The following SLC9A9 variants were observed in gnomAD, a reference collection of about 807,000 sequenced individuals.
SLC9A9 encodes sodium/hydrogen exchanger 9.
A neutral mutation model predicts 77.8 loss-of-function variants in SLC9A9; 62 were observed. The ratio of observed to expected loss-of-function variants is 0.80; its 90% confidence interval spans 0.65 to 0.98. The LOEUF is 0.98. SLC9A9 is among the 50% of genes least tolerant of loss of function. The pLI is 0.00. For missense variants in SLC9A9, 775 were observed against 774.9 expected (o/e 1.00, Z 0.00); for synonymous variants, 320 against 283.5 (o/e 1.13, Z -1.29).
chr3:143,446,359 C>T (rs907922010), intron 12 of SLC9A9, among the ~76,000 whole-genome samples: 10 of 151,976 alleles, frequency 6.6e-5, no homozygotes, highest in African/African-American at 2.4e-4. Context: ...TTTCTATTCT[C>T]TTACGAATTG....
At chr3:143,842,088 T>C (rs945333863) in intron 1 of SLC9A9, among the ~76,000 whole-genome samples, 2 of 150,766 alleles carry the variant, frequency 1.3e-5, no homozygotes, top group Non-Finnish European at 3.0e-5. Flanking sequence ...TTTAAAAACA[T>C]ACAGAGTGCA....
In SLC9A9 at chr3:143,380,516, C is replaced by CT. The variant is rs546373057; in HGVS notation, c.1524+1543dup. Among the ~76,000 whole-genome samples, 352 of 152,236 alleles carry CT rather than the reference C, an allele frequency of 2.3e-3. 2 individuals carry two copies. The highest frequency in any genetic ancestry group is 4.2e-3 in the Non-Finnish European group (286 of 68,008). ...ATTTGACCTACACAAGATGAAAATGCTTTTTAAAAATCAGCCACCACCAGA... is the reference window on the plus strand; with the variant it reads ...ATTTGACCTACACAAGATGAAAATGCTTTTTTAAAAATCAGCCACCACCAGA... On this transcript the variant is annotated intron_variant, in intron 13 of 15. Transcript: ENST00000316549.
intron 14 of SLC9A9, among the ~76,000 whole-genome samples, chr3:143,274,509 C>T (rs140100946): frequency 6.6e-6 from 1 of 152,260 alleles, no homozygotes; most frequent in East Asian, 1.9e-4. Flanking sequence ...GGATTTGTAG[C>T]ATTTCCCAAT....
At chr3:143,604,059 C>A (rs1440741894) in intron 6 of SLC9A9, among the ~76,000 whole-genome samples, 2 of 152,150 alleles carry the variant, frequency 1.3e-5, no homozygotes, top group Non-Finnish European at 2.9e-5. Context: ...AACTGACCTG[C>A]AGAATCATAA....
intron 1 of SLC9A9, among the ~76,000 whole-genome samples, chr3:143,846,627 G>C (rs1246537359): frequency 2.0e-5 from 3 of 152,028 alleles, no homozygotes; most frequent in African/African-American, 7.3e-5. Flanking sequence ...GCCAAGGTCA[G>C]TGGATCTCTT....
chr3:143,842,313 G>A (rs930426560), intron 1 of SLC9A9, among the ~76,000 whole-genome samples: 3 of 152,090 alleles, frequency 2.0e-5, no homozygotes, highest in Admixed American at 6.5e-5. Context: ...CCTGGGAGGC[G>A]GAGGTGGCAG....
At chr3:143,785,612 GGTA>G (rs1404802107) in intron 4 of SLC9A9, among the ~76,000 whole-genome samples, 2 of 152,108 alleles carry the variant, frequency 1.3e-5, no homozygotes, top group African/African-American at 4.8e-5. Context: ...ATGTTTTGGG[GGTA>G]GTTTGTGACA....
In SLC9A9 at chr3:143,634,147, C is replaced by CTTTTTTTTTTTTTTTTTTTTTTTTTTTTT. The variant is rs1033629087; in HGVS notation, c.755+18107_755+18108insAAAAAAAAAAAAAAAAAAAAAAAAAAAAA. ...TGCCTATGTGCTCCCATAATCCTTT[C>CTTTTTTTTTTTTTTTTTTTTTTTTTTTTT]TTTAAGCTTGAAATTCAGTAACTTT... is the stretch of plus-strand genomic sequence containing the variant. On this transcript the variant is annotated intron_variant, in intron 6 of 15. Coordinates refer to ENST00000316549, the MANE Select transcript of SLC9A9 (RefSeq NM_173653.4). 8.0e-5 allele frequency among the ~76,000 whole-genome samples: 12 copies of CTTTTTTTTTTTTTTTTTTTTTTTTTTTTT among 149,212 alleles called. 1 individual carries two copies. Among genetic ancestry groups the CTTTTTTTTTTTTTTTTTTTTTTTTTTTTT allele is most frequent in the African/African-American group, 3.1e-4 (12 of 38,604 alleles).
chr3:143,530,883 C>G (rs1052236455), intron 9 of SLC9A9, among the ~76,000 whole-genome samples: 1 of 152,120 alleles, frequency 6.6e-6, no homozygotes, highest in East Asian at 1.9e-4. Context: ...GTCAACTTAC[C>G]TCCTTTTAGC....
intron 5 of SLC9A9, among the ~76,000 whole-genome samples, chr3:143,657,199 A>G (rs2038905108): frequency 6.6e-6 from 1 of 152,132 alleles, no homozygotes; most frequent in Non-Finnish European, 1.5e-5. Context: ...TCTGAGTTAC[A>G]TGAGAGAAAC....
At chr3:143,413,439 A>T (rs1178294328) in intron 12 of SLC9A9, among the ~76,000 whole-genome samples, 1 of 152,156 alleles carries the variant, frequency 6.6e-6, no homozygotes, top group East Asian at 1.9e-4. Context: ...TCACCCACTC[A>T]TTCCCGATTA....
intron 13 of SLC9A9, 93 bp downstream of exon 13, chr3:143,381,967 A>T: frequency 7.0e-7 from 1 of 1,428,072 alleles, no homozygotes; most frequent in Non-Finnish European, 9.9e-7. Context: ...GTTTAGAAAT[A>T]GCTCCTTGGT....
intron 1 of SLC9A9, among the ~76,000 whole-genome samples, chr3:143,838,448 C>CATTAA: frequency 6.6e-6 from 1 of 151,896 alleles, no homozygotes; most frequent in East Asian, 1.9e-4. Flanking sequence ...AAGGTGGTCT[C>CATTAA]GAGGAAGAAT....
At chr3:143,378,127 A>G (rs2033222604) in intron 13 of SLC9A9, among the ~76,000 whole-genome samples, 1 of 152,210 alleles carries the variant, frequency 6.6e-6, no homozygotes. Context: ...CTTTGAATGT[A>G]TAGAATGCAG....
intron 14 of SLC9A9, among the ~76,000 whole-genome samples, chr3:143,341,725 G>A (rs544777152): frequency 6.6e-6 from 1 of 152,268 alleles, no homozygotes; most frequent in African/African-American, 2.4e-5. Flanking sequence ...TTATATAGGT[G>A]CTAGGGACTG....
chr3:143,577,859 C>A (rs545726343), intron 7 of SLC9A9, among the ~76,000 whole-genome samples: 1 of 152,242 alleles, frequency 6.6e-6, no homozygotes, highest in African/African-American at 2.4e-5. Flanking sequence ...TCCACCTAAC[C>A]CTTATACTTG....
At chr3:143,699,769 C>T (rs1042935555) in intron 4 of SLC9A9, among the ~76,000 whole-genome samples, 7 of 152,106 alleles carry the variant, frequency 4.6e-5, no homozygotes, top group African/African-American at 1.7e-4. Flanking sequence ...GACTCAAATT[C>T]CTAGGTGATT....
At chr3:143,665,013 C>A (rs2039041216) in intron 5 of SLC9A9, among the ~76,000 whole-genome samples, 1 of 152,226 alleles carries the variant, frequency 6.6e-6, no homozygotes, top group African/African-American at 2.4e-5. Context: ...ACTCTCCACC[C>A]CAAATCAACA....
chr3:143,492,081 A>G (rs2035756311), intron 11 of SLC9A9, among the ~76,000 whole-genome samples: 1 of 152,014 alleles, frequency 6.6e-6, no homozygotes, highest in South Asian at 2.1e-4. Context: ...TCACAAGGTC[A>G]GGAGATCGAG....
Sources: gnomAD v4.1 joint callset for allele counts (sites outside exome capture counted in the v4.1 genomes callset) on GRCh38, gnomAD v4.1.1 for gene constraint, MANE v1.5 for transcripts, NCBI Gene and HGNC (gene_info 2026-07-23, HGNC 2026-07-21) for gene names.